Variants in SCAPER observed in about 807,000 individuals in gnomAD.
SCAPER encodes S-phase cyclin A associated protein in the ER.
Under a neutral mutation model 182.2 loss-of-function variants are expected in SCAPER, and 98 were observed. The observed-to-expected ratio is 0.54, with a 90% CI of 0.46 to 0.64. SCAPER has a LOEUF of 0.64. SCAPER is among the 30% of genes least tolerant of loss of function. SCAPER has a pLI of 0.00. For missense variants in SCAPER, 1,432 were observed against 1,690.0 expected (o/e 0.85, Z 2.68); for synonymous variants, 605 against 564.6 (o/e 1.07, Z -1.01).
intron 22 of SCAPER, among the ~76,000 whole-genome samples, chr15:76,579,006 A>T (rs1338166964): frequency 6.6e-6 from 1 of 152,138 alleles, no homozygotes; most frequent in Non-Finnish European, 1.5e-5. Flanking sequence ...AGAGATAAAA[A>T]TAATTTAAAA....
intron 21 of SCAPER, among the ~76,000 whole-genome samples, chr15:76,652,522 C>CACACACACAG (rs2055247025): frequency 3.0e-5 from 2 of 65,980 alleles, no homozygotes; most frequent in Non-Finnish European, 6.2e-5. Flanking sequence ...CATACATACA[C>CACACACACAG]ACACACACAC....
intron 20 of SCAPER, among the ~76,000 whole-genome samples, chr15:76,689,219 T>A (rs1265953914): frequency 6.6e-6 from 1 of 152,002 alleles, no homozygotes; most frequent in Non-Finnish European, 1.5e-5. Flanking sequence ...ATATGTGGCA[T>A]TAAATAACAT....
At chr15:76,822,118 C>T (rs1016685329) in intron 5 of SCAPER, among the ~76,000 whole-genome samples, 1 of 152,024 alleles carries the variant, frequency 6.6e-6, no homozygotes, top group Admixed American at 6.5e-5. Flanking sequence ...AATCATAGAA[C>T]GTATAAGACC....
chr15:76,440,706 G>A (rs16968233), intron 25 of SCAPER, among the ~76,000 whole-genome samples: 10,321 of 152,068 alleles, frequency 0.068, 390 homozygotes, highest in Middle Eastern at 0.1. Flanking sequence ...TTTCCTATAC[G>A]AAACAGTCAC....
At chr15:76,723,408 T>C (rs1303082915) in intron 17 of SCAPER, among the ~76,000 whole-genome samples, 1 of 152,170 alleles carries the variant, frequency 6.6e-6, no homozygotes, top group African/African-American at 2.4e-5. Flanking sequence ...GTATATTGTG[T>C]TGATTTGGGG....
intron 15 of SCAPER, among the ~76,000 whole-genome samples, chr15:76,744,832 C>A (rs1257453920): frequency 4.6e-5 from 7 of 152,096 alleles, no homozygotes; most frequent in Admixed American, 1.3e-4. Flanking sequence ...CATGTGCAGT[C>A]ATATGTTCAT....
chr15:76,608,595 G>A (rs1882600612), intron 22 of SCAPER, among the ~76,000 whole-genome samples: 1 of 152,138 alleles, frequency 6.6e-6, no homozygotes, highest in Non-Finnish European at 1.5e-5. Flanking sequence ...CTTTTTGTTT[G>A]TCTGTGCCCT....
intron 21 of SCAPER, among the ~76,000 whole-genome samples, chr15:76,647,225 G>A (rs1469744501): frequency 6.6e-6 from 1 of 152,164 alleles, no homozygotes; most frequent in Non-Finnish European, 1.5e-5. Flanking sequence ...TGATGGTTAA[G>A]TGCATTGGTA....
rs1370060714 is a variant in SCAPER, at chr15:76,632,887, G to A, written c.2646-11058C>T. ...CCTCCCAGGTTCCAGCAATTCTCCT[G>A]CCTCAGCCTCCTGGTTAGCTGGGAT... On this transcript the variant is annotated intron_variant, in intron 21 of 31. Transcript: ENST00000563290. Among the ~76,000 whole-genome samples, 9 of 148,240 alleles carry A rather than the reference G, an allele frequency of 6.1e-5. No homozygotes were observed. The East Asian group carries it at 1.8e-3, about 30-fold the overall frequency.
intron 10 of SCAPER, among the ~76,000 whole-genome samples, chr15:76,769,905 G>A (rs945392281): frequency 1.3e-5 from 2 of 152,086 alleles, no homozygotes; most frequent in Non-Finnish European, 2.9e-5. Context: ...ACACGCACAC[G>A]TATGTTTATT....
chr15:76,650,579 T>A (rs751952428), intron 21 of SCAPER, among the ~76,000 whole-genome samples: 2 of 151,948 alleles, frequency 1.3e-5, no homozygotes, highest in Non-Finnish European at 2.9e-5. Flanking sequence ...TGATTGAAAA[T>A]GTGGACATTC....
intron 4 of SCAPER, among the ~76,000 whole-genome samples, chr15:76,855,143 G>A (rs2071208454): frequency 6.6e-6 from 1 of 152,076 alleles, no homozygotes; most frequent in South Asian, 2.1e-4. Flanking sequence ...ACAACTATCT[G>A]ATCTTTGACA....
chr15:76,861,415 A>C (rs1022674120), intron 3 of SCAPER, among the ~76,000 whole-genome samples: 4 of 152,172 alleles, frequency 2.6e-5, no homozygotes, highest in African/African-American at 9.7e-5. Context: ...ATTCCTACTA[A>C]AAACACCTAC....
In SCAPER at chr15:76,600,451, ATATT is replaced by A. The variant is rs1252774692; in HGVS notation, c.2711+21309_2711+21312del. On this transcript the variant is annotated intron_variant, in intron 22 of 31. Transcript: ENST00000563290. ...TGTGTATACATATACATATATATAT[ATATT>A]TTTTTTTTTTTGAGATGAAGTCTCG... Among the ~76,000 whole-genome samples, 3 of 25,758 alleles carry A rather than the reference ATATT, an allele frequency of 1.2e-4. 1 individual carries two copies. Among genetic ancestry groups the A allele is most frequent in the African/African-American group, 1.9e-4 (3 of 15,984 alleles). The allele number at this position is 25,758 out of a possible 152,430, so 16.9% of individuals were successfully genotyped here.
intron 31 of SCAPER, 81 bp downstream of exon 31, chr15:76,351,156 G>A (rs1474708681): frequency 1.1e-5 from 13 of 1,202,536 alleles, no homozygotes; most frequent in African/African-American, 1.1e-4. Flanking sequence ...TACATATAAT[G>A]TAGCAGTTCC....
At chr15:76,637,075 G>T (rs1302703144) in intron 21 of SCAPER, among the ~76,000 whole-genome samples, 3 of 151,514 alleles carry the variant, frequency 2.0e-5, no homozygotes, top group Non-Finnish European at 4.4e-5. Context: ...TATACATAAG[G>T]CTATGCAGCC....
rs140666656 is a variant in SCAPER, at chr15:76,863,781, G to A, written c.7-1248C>T. ...AATAAAATGCGGCAGAAGGGACACT[G>A]CATAACTTCTGAGACTAGGTCATCA... is the stretch of plus-strand genomic sequence containing the variant. On this transcript the variant is annotated intron_variant, in intron 2 of 31. Transcript: ENST00000563290. 5.4e-3 allele frequency among the ~76,000 whole-genome samples: 829 copies of A among 152,224 alleles called. 5 individuals are homozygous for A. Among genetic ancestry groups the A allele is most frequent in the South Asian group, 0.022 (108 of 4,814 alleles).
intron 14 of SCAPER, among the ~76,000 whole-genome samples, chr15:76,760,377 C>T (rs537100122): frequency 6.6e-6 from 1 of 152,298 alleles, no homozygotes; most frequent in East Asian, 1.9e-4. Flanking sequence ...TTAAAGGATG[C>T]AGATAAACAG....
chr15:76,574,497 T>C (rs949728585), intron 22 of SCAPER, among the ~76,000 whole-genome samples: 1 of 152,166 alleles, frequency 6.6e-6, no homozygotes, highest in African/African-American at 2.4e-5. Flanking sequence ...AAAACAGAAC[T>C]AGAGGATAGT....
Sources: allele counts gnomAD v4.1 joint callset (sites outside exome capture counted in the v4.1 genomes callset), GRCh38; gene constraint gnomAD v4.1.1; transcripts MANE v1.5; gene names NCBI Gene and HGNC (gene_info 2026-07-23, HGNC 2026-07-21).